The following KIZ variants were observed in gnomAD, a reference collection of about 807,000 sequenced individuals.
KIZ encodes the protein kizuna centrosomal protein.
Under a neutral mutation model 79.6 loss-of-function variants are expected in KIZ, and 68 were observed. The observed-to-expected ratio is 0.85, with a 90% confidence interval of 0.70 to 1.05. KIZ has a LOEUF of 1.05. Ranked by LOEUF, KIZ falls within the 50% of genes least tolerant of loss-of-function variation. KIZ has a pLI of 0.00. For synonymous variants in KIZ, 280 were observed against 281.8 expected, an observed-to-expected ratio of 0.99 and a Z score of 0.06; for missense variants, 797 against 800.4, an observed-to-expected ratio of 1.00 and a Z score of 0.05.
In KIZ at chr20:21,136,456, T is replaced by C; in HGVS notation, c.219T>C (p.Ala73=). The stretch of plus-strand genomic sequence containing the variant: ...AAATATGTGAATCTGAAAAGAAGGC[T>C]CATACTCGAAACCAAGAATATTTAA... ...LKEICESEKK[A]HTRNQEYLKR... is the part of the protein sequence containing the mutation. Residue 73 remains alanine (A), a synonymous_variant, in exon 3 of 13, where the codon GCT becomes GCC. Coordinates refer to ENST00000619189, the MANE Select transcript of KIZ (RefSeq NM_018474.6). 1 of 1,581,740 alleles carries C rather than the reference T, an allele frequency of 6.3e-7. No individual in the cohort carries two copies.
intron 6 of KIZ, among the ~76,000 whole-genome samples, chr20:21,182,241 G>T (rs1034693115): frequency 6.6e-6 from 1 of 152,028 alleles, no homozygotes; most frequent in Non-Finnish European, 1.5e-5. Flanking sequence ...GCTCTGTCTC[G>T]CCCCCACCGT....
intron 11 of KIZ, among the ~76,000 whole-genome samples, chr20:21,233,777 T>G (rs776989535): frequency 2.8e-4 from 42 of 152,174 alleles, no homozygotes; most frequent in Non-Finnish European, 5.7e-4. Context: ...AATACAATGT[T>G]TTTAGAACCT....
chr20:21,244,170 A>T, intron 11 of KIZ, 75 bp from the exon 12 acceptor site: 1 of 1,020,512 alleles, frequency 9.8e-7, no homozygotes, highest in Non-Finnish European at 1.5e-6. Context: ...CTTCTTCTCT[A>T]ATGCGTTCAT....
intron 9 of KIZ, among the ~76,000 whole-genome samples, chr20:21,228,393 A>G (rs1333661316): frequency 2.0e-5 from 3 of 152,194 alleles, no homozygotes; most frequent in African/African-American, 7.2e-5. Context: ...GAAGCCCTGC[A>G]TGGCCAAGAG....
At chr20:21,164,183 A>C (rs1039076649) in intron 6 of KIZ, among the ~76,000 whole-genome samples, 2 of 152,234 alleles carry the variant, frequency 1.3e-5, no homozygotes, top group Non-Finnish European at 2.9e-5. Context: ...TTTGTACGGC[A>C]TATGTTCTCT....
At chr20:21,132,273 GTT>G in intron 2 of KIZ, 114 bp downstream of exon 2, 1 of 578,948 alleles carries the variant, frequency 1.7e-6, no homozygotes, top group Non-Finnish European at 3.0e-6. Flanking sequence ...TTTTGGTTTT[GTT>G]TTGTTTAGTT....
At chr20:21,226,806 A>G (rs568300568) in intron 9 of KIZ, among the ~76,000 whole-genome samples, 1 of 152,232 alleles carries the variant, frequency 6.6e-6, no homozygotes, top group Non-Finnish European at 1.5e-5. Flanking sequence ...AGGTCAGGGC[A>G]GCTGCATCCC....
chr20:21,150,626 A>C (rs2033072154), intron 4 of KIZ, among the ~76,000 whole-genome samples: 1 of 152,226 alleles, frequency 6.6e-6, no homozygotes, highest in African/African-American at 2.4e-5. Flanking sequence ...TTCAGAAAAC[A>C]ATTAGAAATT....
chr20:21,170,609 C>T (rs1239623569), intron 6 of KIZ, among the ~76,000 whole-genome samples: 3 of 152,132 alleles, frequency 2.0e-5, no homozygotes, highest in African/African-American at 7.2e-5. Context: ...AGGATAATCT[C>T]GATCTCCTGA....
intron 3 of KIZ, among the ~76,000 whole-genome samples, chr20:21,144,515 C>T (rs1357954029): frequency 6.6e-6 from 1 of 151,904 alleles, no homozygotes; most frequent in Non-Finnish European, 1.5e-5. Flanking sequence ...TTTGTACTGG[C>T]CTGATAAAAT....
intron 7 of KIZ, among the ~76,000 whole-genome samples, chr20:21,208,006 C>T (rs192003643): frequency 3.4e-4 from 52 of 152,264 alleles, no homozygotes; most frequent in African/African-American, 8.7e-4. Flanking sequence ...TGAGCCACCA[C>T]GCCCAGCCGA....
At chr20:21,239,003 C>T (rs919425640) in intron 11 of KIZ, among the ~76,000 whole-genome samples, 6 of 152,224 alleles carry the variant, frequency 3.9e-5, no homozygotes, top group Admixed American at 1.3e-4. Context: ...TTAGAACCCA[C>T]GGCTGCACAT....
intron 6 of KIZ, among the ~76,000 whole-genome samples, chr20:21,201,955 G>A (rs1399615961): frequency 3.9e-5 from 6 of 152,338 alleles, no homozygotes; most frequent in African/African-American, 1.2e-4. Flanking sequence ...GGTTGCCTTA[G>A]TTGTTCAGAA....
At chr20:21,221,861 C>T (rs1005190951) in intron 9 of KIZ, among the ~76,000 whole-genome samples, 2 of 152,218 alleles carry the variant, frequency 1.3e-5, no homozygotes, top group Non-Finnish European at 2.9e-5. Flanking sequence ...GCTCCCAAAG[C>T]ACAGTGGCAT....
rs1013756265 is a variant in KIZ at position 21,202,226 on chromosome 20, C to T, written c.1353-3265C>T. The T allele has an allele frequency of 3.3e-5, 5 of 152,302 alleles. No individual in the cohort carries two copies. In the East Asian group the frequency reaches 9.6e-4, roughly 29 times the overall value. 9.4% of individuals were successfully genotyped at this position (152,302 alleles called of 1,614,324 possible). A position where few individuals can be genotyped will look rare whatever the true frequency, so the allele number is the denominator to read the frequency against. ...GACTGTTCTTTGATAATTTCACTCA[C>T]TTAGCTATTTAACTAATTTAATTCA... On this transcript the variant is annotated intron_variant, in intron 6 of 12. Transcript: ENST00000619189.
chr20:21,207,787 AG>A (rs960422577), intron 7 of KIZ, among the ~76,000 whole-genome samples: 3 of 151,794 alleles, frequency 2.0e-5, no homozygotes, highest in Non-Finnish European at 4.4e-5. Context: ...CGCTGCCACC[AG>A]GGCTCACTGC....
At chr20:21,183,726 G>C (rs1007676198) in intron 6 of KIZ, among the ~76,000 whole-genome samples, 2 of 152,092 alleles carry the variant, frequency 1.3e-5, no homozygotes, top group African/African-American at 4.8e-5. Flanking sequence ...TTTTTAAAGT[G>C]TATTTTCTCT....
At chr20:21,159,012 ATTATTAT>A (rs2033526588) in intron 4 of KIZ, among the ~76,000 whole-genome samples, 2 of 94,440 alleles carry the variant, frequency 2.1e-5, no homozygotes, top group Non-Finnish European at 5.3e-5. Flanking sequence ...TATTACTATT[ATTATTAT>A]TTTTTTTTAT....
intron 7 of KIZ, among the ~76,000 whole-genome samples, 163 bp downstream of exon 7, chr20:21,205,747 G>A (rs993774671): frequency 1.3e-5 from 2 of 151,988 alleles, no homozygotes; most frequent in East Asian, 1.9e-4. Context: ...TGGATCACGC[G>A]GTCAAGAGAT....
Sources: allele counts gnomAD v4.1 joint callset (sites outside exome capture counted in the v4.1 genomes callset), GRCh38; gene constraint gnomAD v4.1.1; transcripts MANE v1.5; gene names NCBI Gene and HGNC (gene_info 2026-07-23, HGNC 2026-07-21).